Variants in VWA8 observed in about 807,000 individuals in gnomAD.
VWA8 encodes the protein von Willebrand factor A domain-containing protein 8.
In VWA8, 221 loss-of-function variants were observed where a neutral mutation model predicts 241.5. The observed-to-expected ratio is 0.91, with a 90% CI of 0.82 to 1.02. VWA8 has a LOEUF of 1.02. VWA8 is among the 50% of genes least tolerant of loss of function. The pLI is 0.00. For missense variants in VWA8, 2,322 were observed against 2,328.7 expected, an observed-to-expected ratio of 1.00 and a Z score of 0.06; for synonymous variants, 852 against 827.1, an observed-to-expected ratio of 1.03 and a Z score of -0.52.
chr13:41,567,599 T>C lies in VWA8; in HGVS notation c.*598A>G. On this transcript the variant is annotated 3_prime_UTR_variant, in exon 45 of 45. Coordinates refer to ENST00000379310, the MANE Select transcript of VWA8 (RefSeq NM_015058.2). ...AAGGATTTTTTGATTCCTTTTGGCT[T>C]TGGCCAAGAAAATGAAATTATTGAG... is the stretch of plus-strand genomic sequence containing the variant. The C allele has an allele frequency of 6.6e-6, 1 of 152,248 alleles. No homozygotes were observed. Among genetic ancestry groups the C allele is most frequent in the Non-Finnish European group, 1.5e-5 (1 of 68,046 alleles). 9.4% of individuals were successfully genotyped at this position (152,248 alleles called of 1,614,324 possible). A position where few individuals can be genotyped will look rare whatever the true frequency, so the allele number is the denominator to read the frequency against.
intron 2 of VWA8, among the ~76,000 whole-genome samples, chr13:41,938,439 T>G (rs1043382303): frequency 6.6e-6 from 1 of 151,942 alleles, no homozygotes; most frequent in African/African-American, 2.4e-5. Flanking sequence ...GATCATGAGG[T>G]CAGGAGTTTG....
chr13:41,617,107 A>G lies in VWA8; in HGVS notation c.4612-2023T>C, dbSNP rs117696557. ...AAAACAAACAGAATGGAACTTACAT[A>G]TGGAGATACTATTTTTTTTTTTTCT... On this transcript the variant is annotated intron_variant, in intron 37 of 44. Coordinates refer to ENST00000379310, the MANE Select transcript of VWA8 (RefSeq NM_015058.2). Among the ~76,000 whole-genome samples, 122 of 152,152 alleles carry G rather than the reference A, an allele frequency of 8.0e-4. No homozygotes were observed. In the East Asian group the frequency reaches 0.019, roughly 24 times the overall value.
intron 12 of VWA8, among the ~76,000 whole-genome samples, chr13:41,836,531 A>T (rs996152649): frequency 2.0e-5 from 3 of 152,196 alleles, no homozygotes; most frequent in South Asian, 4.1e-4. Flanking sequence ...TTTAATTTCA[A>T]TAGAAAGAAT....
intron 12 of VWA8, among the ~76,000 whole-genome samples, chr13:41,835,530 G>A (rs1451843453): frequency 2.6e-5 from 4 of 152,098 alleles, no homozygotes; most frequent in Admixed American, 2.6e-4. Context: ...CATCATCCGT[G>A]TTTACTGAGA....
chr13:41,704,848 T>C (rs1035173330), intron 26 of VWA8, among the ~76,000 whole-genome samples: 3 of 152,216 alleles, frequency 2.0e-5, no homozygotes, highest in Admixed American at 2.0e-4. Flanking sequence ...AATTAGTGAT[T>C]CAGAGTTAAA....
intron 14 of VWA8, among the ~76,000 whole-genome samples, chr13:41,829,024 A>G (rs1371267509): frequency 6.6e-6 from 1 of 152,208 alleles, no homozygotes; most frequent in Non-Finnish European, 1.5e-5. Context: ...GGATGAGCCC[A>G]GTTAATTGTG....
At chr13:41,882,408 C>T (rs1319782353) in intron 9 of VWA8, among the ~76,000 whole-genome samples, 2 of 152,066 alleles carry the variant, frequency 1.3e-5, no homozygotes, top group Admixed American at 6.5e-5. Context: ...GGGTGGCGGC[C>T]AGGCAGAGGC....
At chr13:41,709,796 G>T (rs1593711486) in intron 26 of VWA8, among the ~76,000 whole-genome samples, 1 of 147,884 alleles carries the variant, frequency 6.8e-6, no homozygotes, top group East Asian at 2.0e-4. Flanking sequence ...TTAAGAAACA[G>T]GGTCTAGCTA....
chr13:41,826,231 G>C (rs1033099467), intron 14 of VWA8, among the ~76,000 whole-genome samples: 1 of 152,036 alleles, frequency 6.6e-6, no homozygotes, highest in Non-Finnish European at 1.5e-5. Flanking sequence ...AAAATGGTGT[G>C]GTTCTCAGGT....
At chr13:41,762,216 T>C (rs2045745916) in intron 20 of VWA8, among the ~76,000 whole-genome samples, 1 of 152,082 alleles carries the variant, frequency 6.6e-6, no homozygotes, top group Non-Finnish European at 1.5e-5. Flanking sequence ...ATGCTTCTGG[T>C]CCCAAGCATT....
At chr13:41,616,683 T>C (rs1178978759) in intron 37 of VWA8, among the ~76,000 whole-genome samples, 3 of 152,218 alleles carry the variant, frequency 2.0e-5, no homozygotes, top group African/African-American at 7.2e-5. Context: ...ACCAATATGG[T>C]AGTCACTAGC....
intron 21 of VWA8, among the ~76,000 whole-genome samples, chr13:41,743,688 T>C (rs953643657): frequency 1.3e-5 from 2 of 152,214 alleles, no homozygotes; most frequent in Admixed American, 1.3e-4. Flanking sequence ...TTTAAAAATA[T>C]TTATATCATT....
chr13:41,818,155 G>A (rs557653156), intron 15 of VWA8, among the ~76,000 whole-genome samples: 57 of 151,770 alleles, frequency 3.8e-4, no homozygotes, highest in African/African-American at 1.3e-3. Flanking sequence ...TAGAGACGAG[G>A]TTTCACCATG....
chr13:41,599,147 C>G lies in VWA8; in HGVS notation c.4986+6021G>C, dbSNP rs559598018. 7.9e-5 allele frequency among the ~76,000 whole-genome samples: 12 copies of G among 152,198 alleles called. No individual in the cohort carries two copies. In the South Asian group the frequency reaches 2.3e-3, roughly 29 times the overall value. On this transcript the variant is annotated intron_variant, in intron 40 of 44. Coordinates refer to ENST00000379310, the MANE Select transcript of VWA8 (RefSeq NM_015058.2). ...TACTTTGTTTTTACTAATTAGCTTTCTTATGGTTTTTACCCCTTTATTTCC... is the reference window on the plus strand; with the variant it reads ...TACTTTGTTTTTACTAATTAGCTTTGTTATGGTTTTTACCCCTTTATTTCC...
intron 12 of VWA8, among the ~76,000 whole-genome samples, chr13:41,858,506 T>C (rs1207229666): frequency 2.6e-5 from 4 of 151,958 alleles, no homozygotes; most frequent in Non-Finnish European, 5.9e-5. Flanking sequence ...CTCGGGAGGC[T>C]GAGGCAGGAG....
intron 29 of VWA8, among the ~76,000 whole-genome samples, chr13:41,696,567 G>T (rs1566418747): frequency 1.3e-5 from 2 of 152,174 alleles, no homozygotes; most frequent in Admixed American, 6.5e-5. Context: ...ATGAATCTCA[G>T]TTCTGCTATG....
chr13:41,812,352 G>A (rs1439469915), intron 16 of VWA8, among the ~76,000 whole-genome samples: 1 of 152,118 alleles, frequency 6.6e-6, no homozygotes, highest in Non-Finnish European at 1.5e-5. Context: ...AGCATTAGAA[G>A]ACAGTGATTA....
intron 2 of VWA8, among the ~76,000 whole-genome samples, chr13:41,938,116 G>A (rs1292068901): frequency 2.0e-5 from 3 of 149,814 alleles, no homozygotes; most frequent in Non-Finnish European, 4.5e-5. Context: ...AGCCGAGATC[G>A]CCACTGCACT....
chr13:41,586,337 C>T (rs1469597371), intron 42 of VWA8, among the ~76,000 whole-genome samples: 2 of 152,174 alleles, frequency 1.3e-5, no homozygotes, highest in Non-Finnish European at 1.5e-5. Flanking sequence ...TAAGCAGCTC[C>T]ATGGCTTTCA....
Sources: allele counts gnomAD v4.1 joint callset (sites outside exome capture counted in the v4.1 genomes callset), GRCh38; gene constraint gnomAD v4.1.1; transcripts MANE v1.5; gene names NCBI Gene and HGNC (gene_info 2026-07-23, HGNC 2026-07-21).